Variants in GPR155 observed in about 807,000 individuals in gnomAD.
The protein encoded by GPR155 is lysosomal cholesterol signaling protein.
GPR155 carries 65 observed loss-of-function variants against 93.1 expected under a neutral mutation model. That is an observed-to-expected ratio of 0.70 (90% CI 0.57 to 0.86). GPR155 has a LOEUF of 0.86. Ranked by LOEUF, GPR155 falls within the 40% of genes least tolerant of loss-of-function variation. The pLI is 0.00. For missense variants in GPR155, 838 were observed against 1,034.8 expected (o/e 0.81, Z 2.61); for synonymous variants, 319 against 360.1 (o/e 0.89, Z 1.29).
At position 174,473,011 on chromosome 2, in the gene GPR155, T is replaced by G; in HGVS notation, c.814A>C (p.Lys272Gln). Residue 272 changes from lysine to glutamine, a missense_variant, in exon 3 of 16, where the codon AAG (lysine) becomes CAG (glutamine). Lys to Gln is a moderately conservative substitution (Grantham distance 53). Transcript: ENST00000392552. The stretch of plus-strand genomic sequence containing the variant: ...ATTAGTACTACAAATGCCGACTTCT[T>G]CAGTCTCTTTATTTTTCCCACCATC... Reference protein sequence around the residue: ...LTMVGKIKRLKKSAFVVLILL... With the variant: ...LTMVGKIKRLQKSAFVVLILL... 3 of 1,594,672 alleles carry G rather than the reference T, an allele frequency of 1.9e-6. No individual in the cohort carries two copies. Among genetic ancestry groups the G allele is most frequent in the Non-Finnish European group, 2.6e-6 (3 of 1,175,474 alleles).
At position 174,465,928 on chromosome 2, in the gene GPR155, T is replaced by G. The variant is rs181910423; in HGVS notation, c.1267-26A>C. ...CTAAGGAAAAAATTATTAAAAGACTTTGTAAATAGCTAAGAAAACCATATA... is the reference window on the plus strand; with the variant it reads ...CTAAGGAAAAAATTATTAAAAGACTGTGTAAATAGCTAAGAAAACCATATA... On this transcript the variant is annotated intron_variant, in intron 6 of 15. Coordinates refer to ENST00000392552, the MANE Select transcript of GPR155 (RefSeq NM_152529.7). 1.3e-3 allele frequency: 1,350 copies of G among 1,061,192 alleles called. 12 individuals carry two copies. Among genetic ancestry groups the G allele is most frequent in the South Asian group, 0.011 (856 of 75,980 alleles). The allele number at this position is 1,061,192 out of a possible 1,614,324, so 65.7% of individuals were successfully genotyped here.
chr2:174,453,622 T>C, intron 11 of GPR155, 115 bp downstream of exon 11: 2 of 590,402 alleles, frequency 3.4e-6, no homozygotes, highest in Non-Finnish European at 5.9e-6. Flanking sequence ...ATAGCGCCAC[T>C]GCACTCCAGC....
intron 1 of GPR155, among the ~76,000 whole-genome samples, chr2:174,486,210 G>C (rs1688473788): frequency 6.6e-6 from 1 of 152,092 alleles, no homozygotes; most frequent in Non-Finnish European, 1.5e-5. Context: ...GTCCTCCCTA[G>C]AGACCCAGGG....
At chr2:174,462,063 G>A (rs1307892774) in intron 7 of GPR155, among the ~76,000 whole-genome samples, 3 of 152,044 alleles carry the variant, frequency 2.0e-5, no homozygotes, top group African/African-American at 7.2e-5. Flanking sequence ...AGCCTCCTGA[G>A]TAGCTGGGAC....
intron 5 of GPR155, 87 bp from the exon 6 acceptor site, chr2:174,466,714 T>G (rs934426938): frequency 8.9e-5 from 63 of 705,288 alleles, no homozygotes; most frequent in Non-Finnish European, 1.5e-4. Context: ...CCTCTTTAAA[T>G]AACCCTCTTT....
At chr2:174,442,479 C>G (rs1193348760) in intron 13 of GPR155, among the ~76,000 whole-genome samples, 1 of 152,136 alleles carries the variant, frequency 6.6e-6, no homozygotes, top group Non-Finnish European at 1.5e-5. Context: ...TTTGTTTCCC[C>G]TTTATAAAAA....
Position 174,461,727 on chromosome 2 carries a change from T to C in GPR155, c.1385-55A>G, listed in dbSNP as rs1194420929. On this transcript the variant is annotated intron_variant, in intron 7 of 15. Coordinates refer to ENST00000392552, the MANE Select transcript of GPR155 (RefSeq NM_152529.7). ...GTTACTCAACATTGATCAGACTTTA[T>C]GAAACTTTATTTCCTTTTTATTTTT... 46 of 992,204 alleles carry C rather than the reference T, an allele frequency of 4.6e-5. No individual in the cohort carries two copies. The East Asian group carries it at 1.0e-3, about 23-fold the overall frequency. 61.5% of individuals were successfully genotyped at this position (992,204 alleles called of 1,614,324 possible).
chr2:174,485,990 T>C (rs1688466938), intron 1 of GPR155, among the ~76,000 whole-genome samples: 1 of 152,172 alleles, frequency 6.6e-6, no homozygotes, highest in Non-Finnish European at 1.5e-5. Context: ...ACTGATACTG[T>C]AAATAACTGC....
At chr2:174,479,730 G>A (rs1017099400) in intron 2 of GPR155, among the ~76,000 whole-genome samples, 2 of 152,214 alleles carry the variant, frequency 1.3e-5, no homozygotes. Context: ...CAGTTCTAAG[G>A]TCCTTATACC....
At chr2:174,477,388 T>A (rs1313625367) in intron 2 of GPR155, among the ~76,000 whole-genome samples, 1 of 152,138 alleles carries the variant, frequency 6.6e-6, no homozygotes, top group Non-Finnish European at 1.5e-5. Context: ...ATACAATAAA[T>A]CTAATGGAAA....
At position 174,440,003 on chromosome 2, in the gene GPR155, G is replaced by A; in HGVS notation, c.2207C>T (p.Ala736Val). 1.2e-6 allele frequency: 2 copies of A among 1,610,590 alleles called. No individual in the cohort carries two copies. The highest frequency in any genetic ancestry group is 1.7e-6 in the Non-Finnish European group (2 of 1,177,664). ...LEFLWNNKDT[A>V]ENRDSPVSEE... is the part of the protein sequence containing the mutation. ...TGAAACAGGAGAATCCCTGTTTTCT[G>A]CTGTGTCTTTATTGTTCCATAGGAA... The change falls in exon 15 of 16, where the codon GCA becomes GTA. Residue 736 changes from alanine (A) to valine (V), a missense_variant. Around this residue, in one of 3 missense-constraint regions of GPR155, gnomAD observed 146 missense variants for 177.5 expected, o/e 0.82. Transcript: ENST00000392552.
rs1266166408 is a variant in GPR155, at chr2:174,482,672, C to T, written c.-31-685G>A. ...CAAGCGATTCGTGTGCCACCACGCC[C>T]GGCTAATTTTTGTATTTTTGTAGCG... On this transcript the variant is annotated intron_variant, in intron 1 of 15. Coordinates refer to ENST00000392552, the MANE Select transcript of GPR155 (RefSeq NM_152529.7). 3.9e-5 allele frequency among the ~76,000 whole-genome samples: 6 copies of T among 152,166 alleles called. No homozygotes were observed. The South Asian group carries it at 8.3e-4, about 21-fold the overall frequency.
In GPR155 at chr2:174,454,916, C is replaced by G. The variant is rs185294764; in HGVS notation, c.1772-1075G>C. Among the ~76,000 whole-genome samples, 317 of 151,762 alleles carry G rather than the reference C, an allele frequency of 2.1e-3. 1 individual carries two copies. Among genetic ancestry groups the G allele is most frequent in the African/African-American group, 7.2e-3 (296 of 41,294 alleles). The stretch of plus-strand genomic sequence containing the variant: ...AGGAAGGAAGGATGAGTAGTGGGTA[C>G]CGGATACTTGGGCAGGTAGGGGGTG... On this transcript the variant is annotated intron_variant, in intron 10 of 15. Coordinates refer to ENST00000392552, the MANE Select transcript of GPR155 (RefSeq NM_152529.7).
At chr2:174,484,161 C>T (rs1688408593) in intron 1 of GPR155, among the ~76,000 whole-genome samples, 2 of 152,182 alleles carry the variant, frequency 1.3e-5, no homozygotes, top group Admixed American at 6.5e-5. Context: ...AAGTATTTTC[C>T]TACTAGGATT....
intron 2 of GPR155, among the ~76,000 whole-genome samples, chr2:174,475,023 C>T (rs1386214973): frequency 4.6e-5 from 7 of 151,868 alleles, no homozygotes; most frequent in Non-Finnish European, 1.5e-5. Context: ...CGGCCGGGCG[C>T]GGTGGCTCAC....
At chr2:174,438,840 A>T (rs995237158) in intron 15 of GPR155, among the ~76,000 whole-genome samples, 1 of 152,348 alleles carries the variant, frequency 6.6e-6, no homozygotes, top group East Asian at 1.9e-4. Context: ...GAAACTATTC[A>T]TAGATGGCAC....
chr2:174,471,409 A>AG (rs1404575861), intron 3 of GPR155, among the ~76,000 whole-genome samples: 2 of 151,412 alleles, frequency 1.3e-5, no homozygotes, highest in Non-Finnish European at 2.9e-5. Flanking sequence ...AAAAAAAAAA[A>AG]AAAAAGATTC....
rs749284668 is a variant in GPR155 at position 174,436,229 on chromosome 2, G to C, written c.2500C>G (p.Leu834Val). 1.2e-6 allele frequency: 2 copies of C among 1,613,994 alleles called. No individual in the cohort carries two copies. Among genetic ancestry groups the C allele is most frequent in the Admixed American group, 3.3e-5 (2 of 60,022 alleles). Residue 834 changes from leucine (L) to valine (V), a missense_variant, in exon 16 of 16, where the codon CTT (leucine) becomes GTT (valine). Physicochemically the swap from Leu to Val is conservative, Grantham distance 32. Around this residue, in one of 3 missense-constraint regions of GPR155, gnomAD observed 146 missense variants for 177.5 expected, o/e 0.82. Transcript: ENST00000392552. ...FRDEYLFYRF[L>V]QKSPEQSPPA... is the part of the protein sequence containing the mutation. Reference sequence around the variant, plus strand: ...GGACTCTGTTCAGGACTCTTTTGAAGAAATCTGTAAAACAAGTACTCATCC... The same window carrying C: ...GGACTCTGTTCAGGACTCTTTTGAACAAATCTGTAAAACAAGTACTCATCC...
chr2:174,449,273 A>G (rs1010217448), intron 11 of GPR155, among the ~76,000 whole-genome samples: 6 of 152,206 alleles, frequency 3.9e-5, no homozygotes, highest in African/African-American at 1.4e-4. Context: ...GCTTTATACC[A>G]TTGGTGGGAA....
Sources: gnomAD v4.1 joint callset for allele counts (sites outside exome capture counted in the v4.1 genomes callset) on GRCh38, gnomAD v4.1.1 for gene constraint, gnomAD v4.1.1 regional missense constraint, MANE v1.5 for transcripts, NCBI Gene and HGNC (gene_info 2026-07-23, HGNC 2026-07-21) for gene names.